SNTG2: variants seen among roughly 807,000 people sequenced by gnomAD.
SNTG2 encodes the protein gamma-2-syntrophin.
In SNTG2, 74 loss-of-function variants were observed where a neutral mutation model predicts 70.9. The observed-to-expected ratio is 1.04, with a 90% CI of 0.86 to 1.27. The LOEUF (loss-of-function observed/expected upper bound fraction) is 1.27. SNTG2 is among the 50% of genes most tolerant of loss of function. The probability of loss-of-function intolerance (pLI) is 0.00; values close to 1 mark genes in which losing one functional copy is unlikely to be tolerated. For missense variants in SNTG2, 717 were observed against 690.7 expected, an observed-to-expected ratio of 1.04 and a Z score of -0.43; for synonymous variants, 278 against 273.8, an observed-to-expected ratio of 1.02 and a Z score of -0.15.
chr2:1,326,861 T>C (rs1405258558), intron 16 of SNTG2, among the ~76,000 whole-genome samples: 9 of 152,134 alleles, frequency 5.9e-5, no homozygotes, highest in African/African-American at 2.2e-4. Flanking sequence ...TTCTCAACTT[T>C]GTATATCCTT....
intron 4 of SNTG2, among the ~76,000 whole-genome samples, chr2:1,134,534 A>C (rs574765734): frequency 6.6e-6 from 1 of 152,056 alleles, no homozygotes; most frequent in South Asian, 2.1e-4. Context: ...AGCTAGACAC[A>C]GGATGCTGAT....
At chr2:1,118,605 A>G (rs922007841) in intron 4 of SNTG2, among the ~76,000 whole-genome samples, 2 of 152,170 alleles carry the variant, frequency 1.3e-5, no homozygotes. Flanking sequence ...GAATAACTCA[A>G]TGAAATCATA....
chr2:1,185,791 A>G (rs1014275222), intron 8 of SNTG2, among the ~76,000 whole-genome samples: 1 of 152,196 alleles, frequency 6.6e-6, no homozygotes, highest in African/African-American at 2.4e-5. Context: ...TGGACTGCTA[A>G]GAAGGTCCCT....
intron 4 of SNTG2, among the ~76,000 whole-genome samples, chr2:1,115,786 G>T (rs969518338): frequency 1.3e-5 from 2 of 152,250 alleles, no homozygotes; most frequent in Admixed American, 1.3e-4. Context: ...AACCCTTACA[G>T]TCCTTTGAGG....
chr2:1,230,661 T>A (rs28493773), intron 9 of SNTG2, among the ~76,000 whole-genome samples: 3 of 152,132 alleles, frequency 2.0e-5, no homozygotes, highest in Non-Finnish European at 4.4e-5. Flanking sequence ...CCCAGATCCA[T>A]GGGTCCCACC....
intron 1 of SNTG2, among the ~76,000 whole-genome samples, chr2:1,019,224 A>G (rs575442613): frequency 1.3e-5 from 2 of 152,324 alleles, no homozygotes; most frequent in African/African-American, 2.4e-5. Flanking sequence ...GGTTGAAATC[A>G]GACAGGCCAG....
chr2:1,283,722 C>T (rs1679652675), intron 14 of SNTG2, among the ~76,000 whole-genome samples: 1 of 152,144 alleles, frequency 6.6e-6, no homozygotes, highest in Non-Finnish European at 1.5e-5. Context: ...GGGACGTCCT[C>T]GGGACCATCA....
rs545748324 is a variant in SNTG2 at position 1,265,529 on chromosome 2, A to G, written c.1078-1836A>G. Reference sequence around the variant, plus strand: ...CTCCATGATCAGAGGGTCATCCTGCAGAGCCATCTGCGGGGCCAGGAGAGC... The same window carrying G: ...CTCCATGATCAGAGGGTCATCCTGCGGAGCCATCTGCGGGGCCAGGAGAGC... On this transcript the variant is annotated intron_variant, in intron 13 of 16. Coordinates refer to ENST00000308624, the MANE Select transcript of SNTG2 (RefSeq NM_018968.4). 1.9e-3 allele frequency among the ~76,000 whole-genome samples: 289 copies of G among 152,366 alleles called. 1 individual carries two copies. The highest frequency in any genetic ancestry group is 3.2e-4 in the Non-Finnish European group (22 of 68,046).
intron 1 of SNTG2, among the ~76,000 whole-genome samples, chr2:1,022,579 C>A (rs1309145707): frequency 6.6e-6 from 1 of 152,060 alleles, no homozygotes; most frequent in Non-Finnish European, 1.5e-5. Context: ...TCCTGTGATT[C>A]CGAGTTTCTG....
chr2:1,047,069 G>A (rs1415516337), intron 1 of SNTG2, among the ~76,000 whole-genome samples: 1 of 151,968 alleles, frequency 6.6e-6, no homozygotes, highest in Non-Finnish European at 1.5e-5. Context: ...TCTTTATTCT[G>A]GTCTAACTGT....
intron 8 of SNTG2, among the ~76,000 whole-genome samples, chr2:1,187,592 A>G (rs957860675): frequency 7.2e-5 from 11 of 152,126 alleles, no homozygotes; most frequent in African/African-American, 1.9e-4. Context: ...CACACCCCTC[A>G]TTGGTTCTGT....
chr2:1,357,022 C>T (rs911069392), intron 16 of SNTG2, among the ~76,000 whole-genome samples: 6 of 151,488 alleles, frequency 4.0e-5, no homozygotes, highest in African/African-American at 1.5e-4. Flanking sequence ...ATTTTGTCTT[C>T]TGAAATTTTG....
intron 1 of SNTG2, among the ~76,000 whole-genome samples, chr2:1,067,196 G>T (rs944120868): frequency 1.3e-5 from 2 of 150,522 alleles, no homozygotes; most frequent in Non-Finnish European, 2.9e-5. Flanking sequence ...CACATTTACC[G>T]AAGAATGTAT....
In SNTG2 at chr2:1,353,317, A is replaced by G. The variant is rs1010327957; in HGVS notation, c.1489-14026A>G. On this transcript the variant is annotated intron_variant, in intron 16 of 16. Coordinates refer to ENST00000308624, the MANE Select transcript of SNTG2 (RefSeq NM_018968.4). This position sits in a 1 kb window ranked among gnomAD's most constrained non-coding sequence, Gnocchi z 4.2. Reference sequence around the variant, plus strand: ...TATGTGAGGGCTACAGCCTCATCGTATAAACATAAGGAAGTGCCTGGGGCC... The same window carrying G: ...TATGTGAGGGCTACAGCCTCATCGTGTAAACATAAGGAAGTGCCTGGGGCC... 1.4e-4 allele frequency among the ~76,000 whole-genome samples: 22 copies of G among 152,294 alleles called. No homozygotes were observed. Among genetic ancestry groups the G allele is most frequent in the Non-Finnish European group, 2.6e-4 (18 of 68,034 alleles).
chr2:1,007,348 C>T (rs1659603504), intron 1 of SNTG2, among the ~76,000 whole-genome samples: 1 of 152,156 alleles, frequency 6.6e-6, no homozygotes, highest in Admixed American at 6.5e-5. Context: ...GGTGGAGACA[C>T]CTGGGTGTTG....
intron 1 of SNTG2, among the ~76,000 whole-genome samples, chr2:1,057,241 T>A (rs1662522405): frequency 6.6e-6 from 1 of 152,138 alleles, no homozygotes; most frequent in Non-Finnish European, 1.5e-5. Context: ...TTTCTGTAAT[T>A]ATACCTCATC....
intron 6 of SNTG2, among the ~76,000 whole-genome samples, chr2:1,139,941 C>T (rs547262562): frequency 6.6e-6 from 1 of 151,750 alleles, no homozygotes; most frequent in Non-Finnish European, 1.5e-5. Flanking sequence ...CTGATCATAT[C>T]ATATGTTTAC....
At chr2:1,177,284 A>G (rs1671543926) in intron 8 of SNTG2, among the ~76,000 whole-genome samples, 1 of 152,114 alleles carries the variant, frequency 6.6e-6, no homozygotes, top group Non-Finnish European at 1.5e-5. Context: ...AACTATGAGA[A>G]CACATGGAGG....
At chr2:1,303,163 A>G (rs1361733726) in intron 14 of SNTG2, among the ~76,000 whole-genome samples, 1 of 152,244 alleles carries the variant, frequency 6.6e-6, no homozygotes, top group Non-Finnish European at 1.5e-5. Context: ...CATTTATGGA[A>G]TCCCCCCACC....
Sources: gnomAD v4.1 joint callset for allele counts (sites outside exome capture counted in the v4.1 genomes callset) on GRCh38, gnomAD v4.1.1 for gene constraint, Gnocchi (gnomAD v3.1) non-coding constraint, MANE v1.5 for transcripts, NCBI Gene and HGNC (gene_info 2026-07-23, HGNC 2026-07-21) for gene names.